INSC: variants seen among roughly 807,000 people sequenced by gnomAD.
INSC encodes the protein INSC spindle orientation adaptor protein.
A neutral mutation model predicts 58.6 loss-of-function variants in INSC; 67 were observed. That is an observed-to-expected ratio of 1.14 (90% confidence interval 0.94 to 1.40). The LOEUF is 1.40. INSC is among the 40% of genes most tolerant of loss of function. The pLI, the probability that INSC is intolerant of heterozygous loss-of-function variation, is 0.00. For synonymous variants in INSC, 262 were observed against 276.1 expected (o/e 0.95, Z 0.51); for missense variants, 714 against 692.0 (o/e 1.03, Z -0.36).
intron 8 of INSC, 62 bp from the exon 9 acceptor site, chr11:15,225,588 A>C (rs909227531): frequency 2.0e-6 from 3 of 1,515,630 alleles, no homozygotes; most frequent in African/African-American, 2.7e-5. Flanking sequence ...TGTGAACCAA[A>C]TGAGACAAGT....
chr11:15,129,920 C>A lies in INSC; in HGVS notation c.-46+14917C>A, dbSNP rs80341477. ...GACTGCAGGTCTGTGCCTGGTGGAA[C>A]CAGCCCTGTGTTGGGGTGGCTGGAT... On this transcript the variant is annotated intron_variant, in intron 1 of 12. Transcript: ENST00000379556. 4.6e-5 allele frequency among the ~76,000 whole-genome samples: 7 copies of A among 152,312 alleles called. No homozygotes were observed. In the East Asian group the frequency reaches 1.4e-3, roughly 29 times the overall value.
At chr11:15,225,202 C>T (rs1253678968) in intron 8 of INSC, among the ~76,000 whole-genome samples, 9 of 152,172 alleles carry the variant, frequency 5.9e-5, no homozygotes, top group Non-Finnish European at 1.2e-4. Context: ...CCTTTTGTTG[C>T]GCACCTCAGC....
downstream of INSC, among the ~76,000 whole-genome samples, chr11:15,248,239 A>G (rs1016856869): frequency 2.6e-5 from 4 of 152,218 alleles, no homozygotes; most frequent in South Asian, 8.3e-4. Flanking sequence ...CATCAAGGAT[A>G]TTCCTAAGTG....
chr11:15,137,061 A>G (rs1197933830), intron 1 of INSC, among the ~76,000 whole-genome samples: 1 of 152,200 alleles, frequency 6.6e-6, no homozygotes, highest in East Asian at 1.9e-4. Context: ...TGAAAACATT[A>G]ATCTCTTTCC....
At chr11:15,144,308 T>G (rs1306663841) in intron 1 of INSC, among the ~76,000 whole-genome samples, 1 of 152,174 alleles carries the variant, frequency 6.6e-6, no homozygotes, top group Admixed American at 6.5e-5. Flanking sequence ...TTTGCCCCAT[T>G]TTACTGATGG....
chr11:15,178,558 G>A, intron 5 of INSC, 111 bp downstream of exon 5: 1 of 1,305,758 alleles, frequency 7.7e-7, no homozygotes. Context: ...GACTTTATTG[G>A]GAAACATCTT....
At chr11:15,230,007 ATATATAATAT>A (rs1564917806) in intron 9 of INSC, among the ~76,000 whole-genome samples, 1 of 26,392 alleles carries the variant, frequency 3.8e-5, no homozygotes, top group Non-Finnish European at 6.2e-5. Context: ...ATATATATAT[ATATATAATAT>A]ATATATATAT....
chr11:15,213,140 GT>G (rs34834597), intron 7 of INSC, among the ~76,000 whole-genome samples: 73 of 147,470 alleles, frequency 5.0e-4, no homozygotes, highest in Middle Eastern at 3.5e-3. Context: ...TACTTGAGGA[GT>G]TTTTTTTTTT....
chr11:15,251,539 A>G (rs566796108), downstream of INSC, among the ~76,000 whole-genome samples: 1 of 152,358 alleles, frequency 6.6e-6, no homozygotes, highest in Non-Finnish European at 1.5e-5. Flanking sequence ...GATACAATAA[A>G]TTCTTATAAT....
chr11:15,125,523 C>T (rs1341570377), intron 1 of INSC, among the ~76,000 whole-genome samples: 1 of 152,122 alleles, frequency 6.6e-6, no homozygotes, highest in Non-Finnish European at 1.5e-5. Flanking sequence ...GTGGCTAGGA[C>T]CAAGGTCCAC....
At chr11:15,233,696 C>G (rs1852011130) in intron 9 of INSC, among the ~76,000 whole-genome samples, 1 of 151,442 alleles carries the variant, frequency 6.6e-6, no homozygotes, top group East Asian at 1.9e-4. Context: ...CCTAGTTTGT[C>G]CTTCCTTCCT....
intron 2 of INSC, among the ~76,000 whole-genome samples, chr11:15,163,562 G>T (rs1849089323): frequency 6.6e-6 from 1 of 151,938 alleles, no homozygotes; most frequent in South Asian, 2.1e-4. Context: ...AATATTTGTT[G>T]TTTTCTCTCA....
chr11:15,250,181 A>G (rs1294677933), downstream of INSC, among the ~76,000 whole-genome samples: 1 of 152,184 alleles, frequency 6.6e-6, no homozygotes, highest in Non-Finnish European at 1.5e-5. Context: ...AGAAAGAGTC[A>G]CCACTAGTTG....
intron 5 of INSC, among the ~76,000 whole-genome samples, chr11:15,180,208 A>T (rs781671435): frequency 6.6e-6 from 1 of 152,122 alleles, no homozygotes; most frequent in Non-Finnish European, 1.5e-5. Context: ...CAGTGAGGGG[A>T]GATCGCGCCA....
At chr11:15,139,543 C>T (rs533695167) in intron 1 of INSC, among the ~76,000 whole-genome samples, 10 of 152,330 alleles carry the variant, frequency 6.6e-5, no homozygotes, top group Admixed American at 3.3e-4. Context: ...AACTGCTAGG[C>T]GCTGTCCTCA....
At chr11:15,120,799 CATTT>C (rs1453462652) in intron 1 of INSC, among the ~76,000 whole-genome samples, 1 of 152,124 alleles carries the variant, frequency 6.6e-6, no homozygotes, top group Admixed American at 6.5e-5. Flanking sequence ...ATTCAACAAA[CATTT>C]ATTGAGTGCT....
chr11:15,263,388 G>A, the INSC span, among the ~76,000 whole-genome samples: 1 of 152,012 alleles, frequency 6.6e-6, no homozygotes, highest in Non-Finnish European at 1.5e-5. Flanking sequence ...TGATTTCTCA[G>A]TAGGATAAAT....
chr11:15,137,100 G>C (rs1590347090), intron 1 of INSC, among the ~76,000 whole-genome samples: 1 of 152,178 alleles, frequency 6.6e-6, no homozygotes. Context: ...TTGACAACCA[G>C]GTGTATCATC....
At chr11:15,199,871 G>C (rs1020908071) in intron 6 of INSC, among the ~76,000 whole-genome samples, 3 of 152,124 alleles carry the variant, frequency 2.0e-5, no homozygotes, top group Admixed American at 6.5e-5. Flanking sequence ...CACTCTAAAT[G>C]CCCCAGTTAG....
Sources: allele counts gnomAD v4.1 joint callset (sites outside exome capture counted in the v4.1 genomes callset), GRCh38; gene constraint gnomAD v4.1.1; transcripts MANE v1.5; gene names NCBI Gene and HGNC (gene_info 2026-07-23, HGNC 2026-07-21).